The following ZNF215 variants were observed in gnomAD, a reference collection of about 807,000 sequenced individuals.
The protein encoded by ZNF215 is zinc finger protein 215.
In ZNF215, 24 loss-of-function variants were observed where a neutral mutation model predicts 27.2. The ratio of observed to expected loss-of-function variants is 0.88; its 90% CI spans 0.64 to 1.24. The LOEUF is 1.24. Ranked by LOEUF, ZNF215 falls within the 50% of genes most tolerant of loss-of-function variation. The pLI is 0.00. For missense variants in ZNF215, 675 were observed against 605.7 expected (o/e 1.11, Z -1.20); for synonymous variants, 210 against 204.0 (o/e 1.03, Z -0.25).
At position 6,983,133 on chromosome 11, in the gene ZNF215, C is replaced by T. The variant is rs531956248; in HGVS notation, c.806-996C>T. On this transcript the variant is annotated intron_variant, in intron 5 of 5. Coordinates refer to the ZNF215 transcript ENST00000529903. Reference sequence around the variant, plus strand: ...CATCAGAGAATACTACAAACACCTCCACGCAAATAAACTAGAAAATCTAGA... The same window carrying T: ...CATCAGAGAATACTACAAACACCTCTACGCAAATAAACTAGAAAATCTAGA... 1.8e-4 allele frequency among the ~76,000 whole-genome samples: 28 copies of T among 151,984 alleles called. No individual in the cohort carries two copies. In the East Asian group the frequency reaches 2.1e-3, roughly 12 times the overall value.
chr11:6,994,411 C>T (rs1242570887), intron 6 of ZNF215, among the ~76,000 whole-genome samples: 4 of 152,024 alleles, frequency 2.6e-5, no homozygotes, highest in Admixed American at 2.6e-4. Context: ...CATTAAACTT[C>T]TAAGACTGAG....
chr11:6,936,427 A>C (rs1263431314), intron 3 of ZNF215, among the ~76,000 whole-genome samples: 1 of 152,052 alleles, frequency 6.6e-6, no homozygotes, highest in African/African-American at 2.4e-5. Context: ...CAAATGACCA[A>C]AACTGACTGA....
In ZNF215 at chr11:6,926,592, G is replaced by C. The variant is rs1043327062; in HGVS notation, c.-419G>C. ...CGGCAGTGAGTTGAGGGTTCGGCGA[G>C]GTCAGGGATTCCTAGTTGCAGCGTG... On this transcript the variant is annotated 5_prime_UTR_variant, in exon 1 of 7. Transcript: ENST00000278319. 3 of 152,382 alleles carry C rather than the reference G, an allele frequency of 2.0e-5. No individual in the cohort carries two copies. The highest frequency in any genetic ancestry group is 1.3e-4 in the Admixed American group (2 of 15,304). 9.4% of individuals were successfully genotyped at this position (152,382 alleles called of 1,614,324 possible).
chr11:6,953,785 C>T (rs1429248394), intron 6 of ZNF215, among the ~76,000 whole-genome samples: 7 of 152,138 alleles, frequency 4.6e-5, no homozygotes, highest in African/African-American at 7.2e-5. Context: ...TGAGGAACTG[C>T]GTTCCTTTGG....
chr11:6,935,115 C>T (rs1378178142), intron 3 of ZNF215, among the ~76,000 whole-genome samples: 1 of 152,136 alleles, frequency 6.6e-6, no homozygotes, highest in East Asian at 1.9e-4. Context: ...AATGTATTAG[C>T]TACTGCTGTC....
chr11:6,979,883 T>C (rs1850912175), intron 5 of ZNF215, among the ~76,000 whole-genome samples: 1 of 152,130 alleles, frequency 6.6e-6, no homozygotes, highest in African/African-American at 2.4e-5. Context: ...ATAAACGTGA[T>C]AGACTTACAG....
At chr11:6,929,003 C>A (rs867110559) in intron 2 of ZNF215, among the ~76,000 whole-genome samples, 2 of 152,086 alleles carry the variant, frequency 1.3e-5, no homozygotes, top group Non-Finnish European at 2.9e-5. Flanking sequence ...GGGGAGATGT[C>A]AAGGAGTACT....
intron 3 of ZNF215, among the ~76,000 whole-genome samples, chr11:6,937,201 A>G (rs1231587266): frequency 2.0e-5 from 3 of 152,168 alleles, no homozygotes; most frequent in Non-Finnish European, 4.4e-5. Flanking sequence ...GTAAAAAACT[A>G]TTAGACCTAA....
intron 1 of ZNF215, among the ~76,000 whole-genome samples, chr11:6,927,292 CAT>C (rs1261290382): frequency 6.6e-6 from 1 of 152,210 alleles, no homozygotes; most frequent in Non-Finnish European, 1.5e-5. Flanking sequence ...CTCCATTTAA[CAT>C]AAATGACTTC....
intron 1 of ZNF215, 173 bp downstream of exon 1, chr11:6,926,858 C>T (rs561870213): frequency 6.6e-6 from 1 of 151,822 alleles, no homozygotes; most frequent in East Asian, 1.9e-4. Flanking sequence ...CGCTGCCCTC[C>T]AAGGTCTGTG....
At position 6,956,015 on chromosome 11, in the gene ZNF215, C is replaced by G. The variant is rs780100216; in HGVS notation, c.1038C>G (p.Asp346Glu). 6.2e-7 allele frequency: 1 copy of G among 1,609,448 alleles called. No homozygotes were observed. Among genetic ancestry groups the G allele is most frequent in the Non-Finnish European group, 8.5e-7 (1 of 1,178,786 alleles). Residue 346 changes from aspartate (D) to glutamate (E), a missense_variant, in exon 7 of 7, where the codon GAC becomes GAG. By Grantham distance (45) the Asp-to-Glu change is conservative (BLOSUM62 2). Coordinates refer to ENST00000278319, the MANE Select transcript of ZNF215 (RefSeq NM_013250.4). Reference sequence around the variant, plus strand: ...AAACTTACTTCAAATTTAATTTAGACTCAGTAGGTAAGCAACATTCAGAAT... The same window carrying G: ...AAACTTACTTCAAATTTAATTTAGAGTCAGTAGGTAAGCAACATTCAGAAT... ...KFKTYFKFNL[D>E]SVGKQHSEYE... is the part of the protein sequence containing the mutation.
intron 6 of ZNF215, 70 bp downstream of exon 6, chr11:6,943,711 C>T (rs1849716103): frequency 8.3e-7 from 1 of 1,204,282 alleles, no homozygotes; most frequent in African/African-American, 1.5e-5. Flanking sequence ...CAATGTGCAA[C>T]CCAATCTTTG....
intron 5 of ZNF215, among the ~76,000 whole-genome samples, chr11:6,972,647 A>G (rs1850740823): frequency 6.6e-6 from 1 of 152,162 alleles, no homozygotes; most frequent in Admixed American, 6.6e-5. Context: ...CATAAATACC[A>G]AAACTCTTAT....
intron 3 of ZNF215, among the ~76,000 whole-genome samples, chr11:6,939,765 T>C (rs768377903): frequency 1.3e-5 from 2 of 152,042 alleles, no homozygotes; most frequent in Non-Finnish European, 2.9e-5. Context: ...AAAAGGACAT[T>C]CAGAGAGAGC....
Position 6,932,550 on chromosome 11 carries a change from T to A in ZNF215, c.278T>A (p.Leu93Gln). 1.9e-6 allele frequency: 3 copies of A among 1,614,212 alleles called. No individual in the cohort carries two copies. The highest frequency in any genetic ancestry group is 2.5e-6 in the Non-Finnish European group (3 of 1,180,050). ...AAGCAGATTATAGAACTGTTGGTGC[T>A]GGAACAATTCCTGGCAATCCTGCCT... The part of the protein sequence containing the change: ...TKKQIIELLV[L>Q]EQFLAILPEE... The change falls in exon 3 of 7, where the codon CTG (leucine) becomes CAG (glutamine). Residue 93 changes from leucine to glutamine, a missense_variant. Transcript: ENST00000278319.
intron 3 of ZNF215, among the ~76,000 whole-genome samples, chr11:6,938,422 T>C (rs1849513543): frequency 6.6e-6 from 1 of 152,048 alleles, no homozygotes; most frequent in Non-Finnish European, 1.5e-5. Context: ...AACACTTTGG[T>C]GGTTCCTCAA....
In ZNF215 at chr11:6,943,070, CTT is replaced by C; in HGVS notation, c.484-12_484-11del. On this transcript the variant is annotated splice_polypyrimidine_tract_variant and intron_variant, in intron 4 of 6. Coordinates refer to ENST00000278319, the MANE Select transcript of ZNF215 (RefSeq NM_013250.4). ...AGTGACACCTTTGATTAAAAAGGAACTTAATGTTTTAGGAACCAGTGACATTC... is the reference window on the plus strand; with the variant it reads ...AGTGACACCTTTGATTAAAAAGGAACAATGTTTTAGGAACCAGTGACATTC... The C allele has an allele frequency of 6.2e-7, 1 of 1,607,404 alleles. No individual in the cohort carries two copies. The highest frequency in any genetic ancestry group is 1.1e-5 in the South Asian group (1 of 89,530).
chr11:6,954,064 A>T (rs551374253), intron 6 of ZNF215, among the ~76,000 whole-genome samples: 6 of 152,284 alleles, frequency 3.9e-5, no homozygotes, highest in African/African-American at 1.4e-4. Flanking sequence ...TTTGTGAACC[A>T]GAATGCTGCT....
chr11:6,952,437 A>C (rs1295304808), intron 6 of ZNF215, among the ~76,000 whole-genome samples: 1 of 152,066 alleles, frequency 6.6e-6, no homozygotes, highest in Non-Finnish European at 1.5e-5. Flanking sequence ...GTGCATATAT[A>C]TTTAGGATAG....
Sources: gnomAD v4.1 joint callset for allele counts (sites outside exome capture counted in the v4.1 genomes callset) on GRCh38, gnomAD v4.1.1 for gene constraint, MANE v1.5 for transcripts, NCBI Gene and HGNC (gene_info 2026-07-23, HGNC 2026-07-21) for gene names.